The following MBD6 variants were observed in gnomAD, a reference collection of about 807,000 sequenced individuals.
MBD6 encodes the protein methyl-CpG binding domain protein 6.
A neutral mutation model predicts 66.8 loss-of-function variants in MBD6; 22 were observed. The ratio of observed to expected loss-of-function variants is 0.33; its 90% CI spans 0.24 to 0.47. The LOEUF (loss-of-function observed/expected upper bound fraction) is 0.47. Among genes scored for constraint, MBD6 ranks in the 20% least tolerant of loss-of-function variants. The pLI is 1.00. For synonymous variants in MBD6, 540 were observed against 534.6 expected, an observed-to-expected ratio of 1.01 and a Z score of -0.14; for missense variants, 1,322 against 1,286.9, an observed-to-expected ratio of 1.03 and a Z score of -0.42.
At chr12:57,523,682 C>T (rs939993091) in intron 1 of MBD6, among the ~76,000 whole-genome samples, 1 of 152,160 alleles carries the variant, frequency 6.6e-6, no homozygotes, top group African/African-American at 2.4e-5. Flanking sequence ...TAGAGAACAA[C>T]AGGAGCCAGA....
Position 57,525,365 on chromosome 12 carries a change from C to A in MBD6, c.397C>A (p.Gln133Lys). The change falls in exon 6 of 13, where the codon CAA becomes AAA. Residue 133 changes from glutamine (Q) to lysine (K), a missense_variant. Transcript: ENST00000355673. ...HSSPGEGASPQMFHTVSPGPP... is the reference protein window; with the variant it reads ...HSSPGEGASPKMFHTVSPGPP... ...TATTGCAGGAGAGGGAGCGAGCCCC[C>A]AAATGTTCCACACTGTGTCCCCAGG... 1 of 1,565,172 alleles carries A rather than the reference C, an allele frequency of 6.4e-7. No individual in the cohort carries two copies. Among genetic ancestry groups the A allele is most frequent in the South Asian group, 1.2e-5 (1 of 81,696 alleles).
chr12:57,529,428 ACCACCCCCCCG>A lies in MBD6; in HGVS notation c.*197_*207del, dbSNP rs1879391779. 2.0e-5 allele frequency: 8 copies of A among 404,048 alleles called. No homozygotes were observed. The highest frequency in any genetic ancestry group is 5.7e-5 in the African/African-American group (2 of 35,248). The allele number at this position is 404,048 out of a possible 1,614,324, so 25.0% of individuals were successfully genotyped here. A position where few individuals can be genotyped will look rare whatever the true frequency, so the allele number is the denominator to read the frequency against. On this transcript the variant is annotated 3_prime_UTR_variant, in exon 13 of 13. Transcript: ENST00000355673. ...GGGGCAGGGAAGTTCACCCCCCCCC[ACCACCCCCCCG>A]CCCCCCCGAAGCCATGTCACTGAAA...
chr12:57,530,495 G>A, downstream of MBD6: 2 of 509,788 alleles, frequency 3.9e-6, no homozygotes, highest in Middle Eastern at 5.3e-4. Flanking sequence ...ACCTTCTGAT[G>A]ATAACCAACC....
At position 57,526,161 on chromosome 12, in the gene MBD6, C is replaced by T. The variant is rs144922560; in HGVS notation, c.1193C>T (p.Pro398Leu). ...RPRAPAPVPQ[P>L]FSLPEPSQPI... Reference sequence around the variant, plus strand: ...CGGGCCCCTGCTCCTGTCCCCCAACCCTTTTCTCTCCCGGAGCCATCCCAA... The same window carrying T: ...CGGGCCCCTGCTCCTGTCCCCCAACTCTTTTCTCTCCCGGAGCCATCCCAA... Residue 398 changes from proline to leucine, a missense_variant, in exon 6 of 13, where the codon CCC becomes CTC. Coordinates refer to ENST00000355673, the MANE Select transcript of MBD6 (RefSeq NM_052897.4). 158 of 1,614,078 alleles carry T rather than the reference C, an allele frequency of 9.8e-5. 2 individuals carry two copies. In the South Asian group the frequency reaches 1.6e-3, roughly 16 times the overall value.
chr12:57,526,408 C>T lies in MBD6; in HGVS notation c.1420+20C>T, dbSNP rs1228532746. On this transcript the variant is annotated intron_variant, in intron 6 of 12. Coordinates refer to ENST00000355673, the MANE Select transcript of MBD6 (RefSeq NM_052897.4). Reference sequence around the variant, plus strand: ...TGCCAGGTATGTGAGTATTGTGGAGCCCTTCCTCATCCTGGCTGGAAAGAG... The same window carrying T: ...TGCCAGGTATGTGAGTATTGTGGAGTCCTTCCTCATCCTGGCTGGAAAGAG... The T allele has an allele frequency of 3.2e-6, 5 of 1,549,250 alleles. No individual in the cohort carries two copies. The highest frequency in any genetic ancestry group is 4.4e-6 in the Non-Finnish European group (5 of 1,147,748).
rs1878682470 is a variant in MBD6, at chr12:57,524,368, C to T, written c.65C>T (p.Pro22Leu). 3.1e-6 allele frequency: 5 copies of T among 1,600,826 alleles called. No individual in the cohort carries two copies. Among genetic ancestry groups the T allele is most frequent in the South Asian group, 1.1e-5 (1 of 89,690 alleles). The change falls in exon 3 of 13, where the codon CCC becomes CTC. Residue 22 changes from proline to leucine, a missense_variant. Coordinates refer to ENST00000355673, the MANE Select transcript of MBD6 (RefSeq NM_052897.4). ...GGGGGCCCTGTGGCCACATCTGTCC[C>T]CATCGGCTGGCAGCGCTGTGTGCGA... ...RAGGPVATSV[P>L]IGWQRCVREG...
At chr12:57,530,597 C>T (rs1879581150), downstream of MBD6, 6 of 1,141,502 alleles carry the variant, frequency 5.3e-6, no homozygotes, top group Non-Finnish European at 5.1e-6. Context: ...GATGGGGATG[C>T]TAGAGTTATA....
Position 57,525,525 on chromosome 12 carries a change from C to A in MBD6, c.557C>A (p.Pro186His). 1 of 1,588,392 alleles carries A rather than the reference C, an allele frequency of 6.3e-7. No individual in the cohort carries two copies. The change falls in exon 6 of 13, where the codon CCC (proline) becomes CAC (histidine). Residue 186 changes from proline (P) to histidine (H), a missense_variant. Pro to His is a moderately conservative substitution (Grantham distance 77, BLOSUM62 -2). Transcript: ENST00000355673. ...CTAGCAGGCCCTGGGGGGCTTTTCC[C>A]CCCAAGGCTTGCTGACCCAGTCCCT... ...PTLAGPGGLF[P>H]PRLADPVPSG...
chr12:57,527,476 CGTAA>C (rs755202284), intron 7 of MBD6, 27 bp from the exon 8 acceptor site: 19 of 1,611,388 alleles, frequency 1.2e-5, no homozygotes, highest in Non-Finnish European at 1.5e-5. Flanking sequence ...ATTTTACACG[CGTAA>C]GTGTTAGAAT....
In MBD6 at chr12:57,524,801, G is replaced by T. The variant is rs753532840; in HGVS notation, c.195G>T (p.Glu65Asp). 6.2e-7 allele frequency: 1 copy of T among 1,614,228 alleles called. No individual in the cohort carries two copies. The highest frequency in any genetic ancestry group is 1.1e-5 in the South Asian group (1 of 91,088). ...ATGGGACCTGCAAGTGCGGTCTGGA[G>T]TGTCCACTTAATGTCCCCAAGGTCA... The part of the protein sequence containing the change: ...LSDGTCKCGL[E>D]CPLNVPKVFN... Residue 65 changes from glutamate to aspartate, a missense_variant, in exon 4 of 13, where the codon GAG (glutamate) becomes GAT (aspartate). Physicochemically the swap from Glu to Asp is conservative, Grantham distance 45. Coordinates refer to ENST00000355673, the MANE Select transcript of MBD6 (RefSeq NM_052897.4).
chr12:57,527,266 T>C, intron 7 of MBD6, 39 bp downstream of exon 7: 5 of 1,309,046 alleles, frequency 3.8e-6, no homozygotes, highest in East Asian at 2.4e-5. Flanking sequence ...GAACAAGATG[T>C]AGAATAAGAG....
chr12:57,521,268 G>A (rs1158821191), upstream of MBD6: 3 of 152,240 alleles, frequency 2.0e-5, no homozygotes, highest in African/African-American at 7.2e-5. Flanking sequence ...TTCGAGATCA[G>A]CCTGACCAAC....
Position 57,524,433 on chromosome 12 carries a change from GT to G in MBD6, c.113+18del. 6.4e-7 allele frequency: 1 copy of G among 1,554,790 alleles called. No homozygotes were observed. The highest frequency in any genetic ancestry group is 8.7e-7 in the Non-Finnish European group (1 of 1,151,290). On this transcript the variant is annotated intron_variant, in intron 3 of 12. Transcript: ENST00000355673. ...CTACATCAGGTACGGATCTTCACAG[GT>G]CCCCAAGCTCTGCCACTCCAGTTGC... is the stretch of plus-strand genomic sequence containing the variant.
chr12:57,526,890 G>A lies in MBD6; in HGVS notation c.1745G>A (p.Gly582Glu), dbSNP rs1394091323. 2 of 1,613,402 alleles carry A rather than the reference G, an allele frequency of 1.2e-6. 1 individual carries two copies. Among genetic ancestry groups the A allele is most frequent in the Non-Finnish European group, 1.7e-6 (2 of 1,179,842 alleles). ...GAGCCCCTGCTACCCCCACCAGGAGGACCTGGTCCTCCCCTAGCCCCAGGA... is the reference window on the plus strand; with the variant it reads ...GAGCCCCTGCTACCCCCACCAGGAGAACCTGGTCCTCCCCTAGCCCCAGGA... ...PPEPLLPPPG[G>E]PGPPLAPGEP... Residue 582 changes from glycine to glutamate, a missense_variant, in exon 7 of 13, where the codon GGA becomes GAA. Transcript: ENST00000355673.
In MBD6 at chr12:57,525,557, G is replaced by T. The variant is rs778344227; in HGVS notation, c.589G>T (p.Gly197Cys). 5 of 1,608,204 alleles carry T rather than the reference G, an allele frequency of 3.1e-6. No individual in the cohort carries two copies. In the East Asian group the frequency reaches 1.1e-4, roughly 36 times the overall value. ...GCTTGCTGACCCAGTCCCTTCTGGG[G>T]GCAGTAGCAGCCCCCGTTTCCTCCC... ...PRLADPVPSG[G>C]SSSPRFLPRG... The change falls in exon 6 of 13, where the codon GGC becomes TGC. Residue 197 changes from glycine (G) to cysteine (C), a missense_variant. Transcript: ENST00000355673.
chr12:57,526,467 C>T (rs1878963494), intron 6 of MBD6, 79 bp downstream of exon 6: 2 of 1,518,976 alleles, frequency 1.3e-6, no homozygotes, highest in African/African-American at 1.4e-5. Context: ...GTTCAGAGAG[C>T]TCTTTGAGGG....
At chr12:57,521,307 A>T (rs1189716355), upstream of MBD6, 15 of 152,320 alleles carry the variant, frequency 9.8e-5, no homozygotes, top group Non-Finnish European at 2.2e-4. Flanking sequence ...TACTAAAAAT[A>T]CAAAAATTAG....
At chr12:57,525,299 T>G (rs2140078184) in intron 5 of MBD6, 49 bp from the exon 6 acceptor site, 1 of 1,529,128 alleles carries the variant, frequency 6.5e-7, no homozygotes, top group Non-Finnish European at 8.8e-7. Flanking sequence ...ACAAAAGAGT[T>G]TTTGGAAGGG....
chr12:57,521,148 T>C (rs1164019857), upstream of MBD6: 1 of 152,330 alleles, frequency 6.6e-6, no homozygotes, highest in African/African-American at 2.4e-5. Flanking sequence ...ACTGGGATTG[T>C]CGACATCTCG....
Sources: allele counts gnomAD v4.1 joint callset (sites outside exome capture counted in the v4.1 genomes callset), GRCh38; gene constraint gnomAD v4.1.1; transcripts MANE v1.5; gene names NCBI Gene and HGNC (gene_info 2026-07-23, HGNC 2026-07-21).